Variants in ANK3 observed in about 807,000 individuals in gnomAD.
ANK3 encodes ankyrin 3.
ANK3 carries 57 observed loss-of-function variants against 370.9 expected under a neutral mutation model. The ratio of observed to expected loss-of-function variants is 0.15; its 90% CI spans 0.12 to 0.19. The LOEUF is 0.19. Ranked by LOEUF, ANK3 falls within the 10% of genes least tolerant of loss-of-function variation. The pLI is 1.00. For synonymous variants in ANK3, 1,929 were observed against 1,946.3 expected (o/e 0.99, Z 0.23); for missense variants, 4,439 against 5,302.1 (o/e 0.84, Z 5.06).
intron 18 of ANK3, among the ~76,000 whole-genome samples, chr10:60,176,600 A>T (rs2095966069): frequency 6.6e-6 from 1 of 152,012 alleles, no homozygotes. Flanking sequence ...TGTCTCTACT[A>T]AAAATACAAA....
intron 2 of ANK3, among the ~76,000 whole-genome samples, chr10:60,455,477 G>A (rs1427104420): frequency 6.6e-6 from 1 of 152,116 alleles, no homozygotes. Context: ...GGCCTTCAAT[G>A]TACTAACATT....
In ANK3 at chr10:60,526,396, A is replaced by C. The variant is rs575036286; in HGVS notation, c.96+88790T>G. Among the ~76,000 whole-genome samples the C allele has an allele frequency of 4.6e-5, 7 of 152,264 alleles. No homozygotes were observed. The South Asian group carries it at 1.5e-3, about 32-fold the overall frequency. On this transcript the variant is annotated intron_variant, in intron 2 of 43. Transcript: ENST00000373827. ...TCAGCTGAGGCGATTATAAAATATAACATTATCCCTAATACTCTGCTTCTA... is the reference window on the plus strand; with the variant it reads ...TCAGCTGAGGCGATTATAAAATATACCATTATCCCTAATACTCTGCTTCTA...
intron 2 of ANK3, among the ~76,000 whole-genome samples, chr10:60,416,119 A>G (rs2063663627): frequency 6.6e-6 from 1 of 152,050 alleles, no homozygotes; most frequent in African/African-American, 2.4e-5. Context: ...AGAAGACACC[A>G]TCTATGAACC....
intron 21 of ANK3, among the ~76,000 whole-genome samples, chr10:60,170,901 T>C (rs1591203049): frequency 6.6e-6 from 1 of 152,216 alleles, no homozygotes. Context: ...ATGTGTATTT[T>C]GAACTTTTAC....
At position 60,709,429 on chromosome 10, in the gene ANK3, A is replaced by C. The variant is rs190161956; in HGVS notation, c.57+23834T>G. 3.3e-3 allele frequency among the ~76,000 whole-genome samples: 502 copies of C among 152,234 alleles called. 3 individuals are homozygous for C. The highest frequency in any genetic ancestry group is 0.012 in the African/African-American group (478 of 41,540). On this transcript the variant is annotated intron_variant, in intron 1 of 43. Coordinates refer to the ANK3 transcript ENST00000373827. ...ATTTGTGCAAAACTTTGATTCCCCA[A>C]AACTTAGTTACCACTAGACTACTGT...
intron 37 of ANK3, among the ~76,000 whole-genome samples, chr10:60,068,272 A>C (rs1211330992): frequency 6.6e-6 from 1 of 152,222 alleles, no homozygotes; most frequent in Non-Finnish European, 1.5e-5. Context: ...CAGTTACAGA[A>C]GTGTCGTGTT....
In ANK3 at chr10:60,075,100, C is replaced by T. The variant is rs1172383925; in HGVS notation, c.5781G>A (p.Lys1927=). 6.2e-7 allele frequency: 1 copy of T among 1,614,074 alleles called. No individual in the cohort carries two copies. Among genetic ancestry groups the T allele is most frequent in the Non-Finnish European group, 8.5e-7 (1 of 1,179,998 alleles). The stretch of plus-strand genomic sequence containing the variant: ...CCTTTGGGAGTTCAGGTTGGAATGG[C>T]TTCTCCTCAGGCACATCTGTCTGTA... The part of the protein sequence containing the change: ...AILQTDVPEE[K]PFQPELPKEG... The change falls in exon 37 of 44, where the codon AAG becomes AAA. Residue 1927 remains lysine (K), a synonymous_variant. Transcript: ENST00000280772.
At chr10:60,233,783 C>A (rs373911943) in intron 8 of ANK3, among the ~76,000 whole-genome samples, 3 of 152,100 alleles carry the variant, frequency 2.0e-5, no homozygotes, top group African/African-American at 7.2e-5. Context: ...ATAAAATTTA[C>A]CCTCACAATC....
At chr10:60,457,908 T>C (rs1595070567) in intron 2 of ANK3, among the ~76,000 whole-genome samples, 2 of 152,100 alleles carry the variant, frequency 1.3e-5, no homozygotes, top group East Asian at 3.9e-4. Context: ...AGACATGGCC[T>C]GAATCAGGAA....
intron 7 of ANK3, among the ~76,000 whole-genome samples, chr10:60,259,040 G>C (rs1247033794): frequency 2.0e-5 from 3 of 152,146 alleles, no homozygotes; most frequent in Admixed American, 6.5e-5. Context: ...GCATTCAGGG[G>C]CCTCTTACTT....
intron 1 of ANK3, among the ~76,000 whole-genome samples, chr10:60,668,416 G>A (rs1020066295): frequency 6.6e-5 from 10 of 151,454 alleles, no homozygotes; most frequent in Non-Finnish European, 1.5e-4. Context: ...GCAATCCACA[G>A]AGGCCATCCG....
chr10:60,251,531 T>C (rs997120252), intron 7 of ANK3, among the ~76,000 whole-genome samples: 2 of 152,180 alleles, frequency 1.3e-5, no homozygotes, highest in African/African-American at 2.4e-5. Flanking sequence ...CAACCACCAC[T>C]GTGACAACCA....
intron 8 of ANK3, among the ~76,000 whole-genome samples, chr10:60,221,548 C>T (rs2097058788): frequency 6.6e-6 from 1 of 152,140 alleles, no homozygotes; most frequent in Admixed American, 6.5e-5. Context: ...AAGTCAAACC[C>T]TTTTCTTGTA....
chr10:60,267,140 C>T (rs999054092), intron 5 of ANK3, among the ~76,000 whole-genome samples: 1 of 152,250 alleles, frequency 6.6e-6, no homozygotes, highest in Non-Finnish European at 1.5e-5. Context: ...AATATCCCAT[C>T]GTGTAGTGAA....
intron 1 of ANK3, among the ~76,000 whole-genome samples, chr10:60,666,550 C>T (rs773448321): frequency 3.9e-5 from 6 of 152,064 alleles, no homozygotes; most frequent in East Asian, 1.9e-4. Flanking sequence ...AACTGTACAC[C>T]TTAAAATAGT....
intron 2 of ANK3, among the ~76,000 whole-genome samples, chr10:60,502,891 AG>A (rs2075841145): frequency 2.6e-5 from 4 of 151,538 alleles, no homozygotes; most frequent in African/African-American, 7.3e-5. Flanking sequence ...AAAGAAAGAG[AG>A]AAAGAGAACA....
intron 2 of ANK3, among the ~76,000 whole-genome samples, chr10:60,409,235 T>A (rs985237149): frequency 6.6e-6 from 1 of 152,218 alleles, no homozygotes; most frequent in East Asian, 1.9e-4. Flanking sequence ...CAAGTTCAGT[T>A]CATGAAACTT....
At chr10:60,584,650 A>C (rs1467716450) in intron 2 of ANK3, among the ~76,000 whole-genome samples, 2 of 152,122 alleles carry the variant, frequency 1.3e-5, no homozygotes, top group African/African-American at 2.4e-5. Flanking sequence ...AAAAATGAAG[A>C]GCATCAAAGT....
chr10:60,256,889 T>C (rs927441032), intron 7 of ANK3, among the ~76,000 whole-genome samples: 8 of 152,170 alleles, frequency 5.3e-5, no homozygotes, highest in Admixed American at 2.0e-4. Context: ...GGCACCTAGG[T>C]TGATTCTGTG....
Sources: gnomAD v4.1 joint callset for allele counts (sites outside exome capture counted in the v4.1 genomes callset) on GRCh38, gnomAD v4.1.1 for gene constraint, MANE v1.5 for transcripts, NCBI Gene and HGNC (gene_info 2026-07-23, HGNC 2026-07-21) for gene names.